The following SPOCK3 variants were observed in gnomAD, a reference collection of about 807,000 sequenced individuals.
The protein encoded by SPOCK3 is SPARC (osteonectin), cwcv and kazal like domains proteoglycan 3, also known as testican-3.
A neutral mutation model predicts 56.6 loss-of-function variants in SPOCK3; 30 were observed. That is an observed-to-expected ratio of 0.53 (90% confidence interval 0.40 to 0.72). The LOEUF (loss-of-function observed/expected upper bound fraction) is 0.72. Ranked by LOEUF, SPOCK3 falls within the 30% of genes least tolerant of loss-of-function variation. The pLI is 0.00. For missense variants in SPOCK3, 527 were observed against 530.0 expected (o/e 0.99, Z 0.06); for synonymous variants, 196 against 183.3 (o/e 1.07, Z -0.56).
chr4:167,005,486 T>TA (rs1366851667), intron 3 of SPOCK3, among the ~76,000 whole-genome samples: 2 of 152,044 alleles, frequency 1.3e-5, no homozygotes, highest in African/African-American at 4.8e-5. Flanking sequence ...GGCCTGGGAT[T>TA]ACAGGTGTGA....
At chr4:167,010,100 A>G (rs1327513714) in intron 3 of SPOCK3, among the ~76,000 whole-genome samples, 2 of 152,154 alleles carry the variant, frequency 1.3e-5, no homozygotes, top group Non-Finnish European at 2.9e-5. Context: ...ATTGAAAGCA[A>G]CCAAAAGGAA....
chr4:167,094,274 A>G (rs1758951466), intron 2 of SPOCK3, among the ~76,000 whole-genome samples: 1 of 152,122 alleles, frequency 6.6e-6, no homozygotes, highest in Non-Finnish European at 1.5e-5. Context: ...AATATAATAT[A>G]CACACATTAT....
chr4:166,991,634 T>A (rs1747802536), intron 4 of SPOCK3, among the ~76,000 whole-genome samples: 1 of 151,924 alleles, frequency 6.6e-6, no homozygotes, highest in African/African-American at 2.4e-5. Context: ...CCTCCCAAAG[T>A]GCTGGGATTA....
rs187119086 is a variant in SPOCK3 at position 166,979,806 on chromosome 4, A to G, written c.350+20543T>C. Among the ~76,000 whole-genome samples the G allele has an allele frequency of 2.6e-5, 4 of 152,286 alleles. No homozygotes were observed. In the East Asian group the frequency reaches 7.7e-4, roughly 29 times the overall value. On this transcript the variant is annotated intron_variant, in intron 4 of 10. Coordinates refer to ENST00000357545, the MANE Select transcript of SPOCK3 (RefSeq NM_001040159.2). ...GAGTTTTAATATTATTGATGTGTTGAAATCTATCTCCAAGCTGAGCTCTTG... is the reference window on the plus strand; with the variant it reads ...GAGTTTTAATATTATTGATGTGTTGGAATCTATCTCCAAGCTGAGCTCTTG...
chr4:166,743,195 G>T (rs62352808), intron 8 of SPOCK3, among the ~76,000 whole-genome samples: 36,600 of 151,834 alleles, frequency 0.24, 5,343 homozygotes, highest in African/African-American at 0.4. Flanking sequence ...GTTAATGCTT[G>T]CTATATAAAA....
In SPOCK3 at chr4:166,830,233, T is replaced by C. The variant is rs544312171; in HGVS notation, c.590-37944A>G. Among the ~76,000 whole-genome samples the C allele has an allele frequency of 1.5e-3, 226 of 152,362 alleles. 1 individual carries two copies. The highest frequency in any genetic ancestry group is 2.7e-3 in the Non-Finnish European group (181 of 68,044). ...TTAATTTGCATATTGGAAACTATTA[T>C]AAGTAAATTTGTTTTTTACATGAAT... is the stretch of plus-strand genomic sequence containing the variant. On this transcript the variant is annotated intron_variant, in intron 6 of 10. Coordinates refer to ENST00000357545, the MANE Select transcript of SPOCK3 (RefSeq NM_001040159.2).
At chr4:167,033,926 CATTAAAAGTG>C (rs1367608626) in intron 3 of SPOCK3, among the ~76,000 whole-genome samples, 1 of 151,912 alleles carries the variant, frequency 6.6e-6, no homozygotes, top group Non-Finnish European at 1.5e-5. Flanking sequence ...TGTCTTATGT[CATTAAAAGTG>C]TTTTACTAAG....
intron 2 of SPOCK3, among the ~76,000 whole-genome samples, chr4:167,135,637 AT>A (rs1175966582): frequency 3.3e-5 from 5 of 149,836 alleles, no homozygotes; most frequent in Non-Finnish European, 7.4e-5. Context: ...ATGTCTCACC[AT>A]TTTTTTCAAC....
At chr4:166,962,413 G>A (rs1276729825) in intron 4 of SPOCK3, among the ~76,000 whole-genome samples, 1 of 152,084 alleles carries the variant, frequency 6.6e-6, no homozygotes, top group African/African-American at 2.4e-5. Context: ...ACTTCTCTGA[G>A]TACTGCTATT....
intron 2 of SPOCK3, among the ~76,000 whole-genome samples, chr4:167,080,456 CT>C (rs1418549665): frequency 6.6e-6 from 1 of 151,958 alleles, no homozygotes; most frequent in African/African-American, 2.4e-5. Flanking sequence ...CAGTACTGTG[CT>C]CTTATTAACG....
At chr4:166,796,387 A>G (rs1048449158) in intron 6 of SPOCK3, among the ~76,000 whole-genome samples, 1 of 152,182 alleles carries the variant, frequency 6.6e-6, no homozygotes, top group African/African-American at 2.4e-5. Context: ...GAAGTTTCAA[A>G]TCAGAGGCAG....
chr4:167,086,548 C>T (rs1489805636), intron 2 of SPOCK3, among the ~76,000 whole-genome samples: 1 of 152,010 alleles, frequency 6.6e-6, no homozygotes, highest in Non-Finnish European at 1.5e-5. Context: ...GGAAAGTTAC[C>T]TTGAAATTTC....
Position 166,796,810 on chromosome 4 carries a change from T to C in SPOCK3, c.590-4521A>G, listed in dbSNP as rs185273486. On this transcript the variant is annotated intron_variant, in intron 6 of 10. Coordinates refer to ENST00000357545, the MANE Select transcript of SPOCK3 (RefSeq NM_001040159.2). Reference sequence around the variant, plus strand: ...TAATGTTTAGGAATTTTGATGGTCTTCCTGATGGGATTGATTTGTATATAA... The same window carrying C: ...TAATGTTTAGGAATTTTGATGGTCTCCCTGATGGGATTGATTTGTATATAA... Among the ~76,000 whole-genome samples the C allele has an allele frequency of 4.7e-4, 71 of 152,304 alleles. 1 individual carries two copies. The highest frequency in any genetic ancestry group is 1.6e-3 in the African/African-American group (68 of 41,566).
chr4:166,902,660 ATTC>A (rs1444670681), intron 5 of SPOCK3, among the ~76,000 whole-genome samples: 2 of 151,652 alleles, frequency 1.3e-5, no homozygotes, highest in Admixed American at 6.6e-5. Context: ...ATAGCTTATT[ATTC>A]TATGTTACGT....
At chr4:167,150,309 T>A (rs899506530) in intron 2 of SPOCK3, among the ~76,000 whole-genome samples, 7 of 152,140 alleles carry the variant, frequency 4.6e-5, no homozygotes, top group South Asian at 4.1e-4. Context: ...GGTTTTTTTT[T>A]AATGTAAAAA....
chr4:166,968,544 A>G (rs907989982), intron 4 of SPOCK3, among the ~76,000 whole-genome samples: 2 of 152,222 alleles, frequency 1.3e-5, no homozygotes, highest in African/African-American at 4.8e-5. Flanking sequence ...TTGCTTCAGT[A>G]GTTGCAAGCC....
intron 2 of SPOCK3, among the ~76,000 whole-genome samples, chr4:167,163,640 A>G (rs1765513630): frequency 1.3e-5 from 2 of 151,944 alleles, no homozygotes; most frequent in Non-Finnish European, 2.9e-5. Flanking sequence ...CATGAGTTCA[A>G]TTGTTTTAAT....
At chr4:166,736,310 G>T (rs535490820) in intron 10 of SPOCK3, among the ~76,000 whole-genome samples, 2 of 152,136 alleles carry the variant, frequency 1.3e-5, no homozygotes, top group East Asian at 3.9e-4. Context: ...AAAAAGTTAT[G>T]TATCCATCAT....
chr4:167,106,235 TA>T (rs933874913), intron 2 of SPOCK3, among the ~76,000 whole-genome samples: 1 of 151,838 alleles, frequency 6.6e-6, no homozygotes, highest in Non-Finnish European at 1.5e-5. Context: ...AATAACATGT[TA>T]AAATAACATT....
Sources: allele counts gnomAD v4.1 joint callset (sites outside exome capture counted in the v4.1 genomes callset), GRCh38; gene constraint gnomAD v4.1.1; transcripts MANE v1.5; gene names NCBI Gene and HGNC (gene_info 2026-07-23, HGNC 2026-07-21).